KCNQ5: variants seen among roughly 807,000 people sequenced by gnomAD.
KCNQ5 encodes the protein potassium voltage-gated channel subfamily KQT member 5.
Under a neutral mutation model 98.2 loss-of-function variants are expected in KCNQ5, and 30 were observed. The observed-to-expected ratio is 0.31, with a 90% CI of 0.23 to 0.41. The LOEUF (loss-of-function observed/expected upper bound fraction) is 0.41. Ranked by LOEUF, KCNQ5 falls within the 10% of genes least tolerant of loss-of-function variation. The pLI is 1.00. For synonymous variants in KCNQ5, 458 were observed against 449.4 expected, an observed-to-expected ratio of 1.02 and a Z score of -0.24; for missense variants, 835 against 1,182.5, an observed-to-expected ratio of 0.71 and a Z score of 4.31.
intron 1 of KCNQ5, among the ~76,000 whole-genome samples, chr6:72,850,167 A>T (rs190397467): frequency 1.3e-5 from 2 of 152,164 alleles, no homozygotes; most frequent in African/African-American, 4.8e-5. Flanking sequence ...AGGAAGGCAC[A>T]TTGTCAGGTA....
chr6:72,727,534 T>TC (rs1200744042), intron 1 of KCNQ5, among the ~76,000 whole-genome samples: 1 of 152,166 alleles, frequency 6.6e-6, no homozygotes, highest in Non-Finnish European at 1.5e-5. Flanking sequence ...ATTTTTTTTT[T>TC]CACTTTTGTA....
At position 73,095,936 on chromosome 6, in the gene KCNQ5, A is replaced by G. The variant is rs146080733; in HGVS notation, c.919-9321A>G. On this transcript the variant is annotated intron_variant, in intron 5 of 13. Coordinates refer to ENST00000370398, the MANE Select transcript of KCNQ5 (RefSeq NM_019842.4). ...ACACTAGTGGGCAATTTATAGTTGT[A>G]TACTCATAAGCAAACTGTTTAAATT... 6.8e-3 allele frequency among the ~76,000 whole-genome samples: 1,035 copies of G among 152,290 alleles called. 8 individuals are homozygous for G. Among genetic ancestry groups the G allele is most frequent in the Middle Eastern group, 0.017 (5 of 294 alleles).
At chr6:72,933,948 A>G (rs974786536) in intron 1 of KCNQ5, among the ~76,000 whole-genome samples, 1 of 152,194 alleles carries the variant, frequency 6.6e-6, no homozygotes, top group East Asian at 1.9e-4. Context: ...ATGTAATTAA[A>G]CAAGTAAACA....
chr6:73,139,955 GA>G (rs1776637210), intron 10 of KCNQ5, among the ~76,000 whole-genome samples: 1 of 151,032 alleles, frequency 6.6e-6, no homozygotes, highest in African/African-American at 2.5e-5. Flanking sequence ...TGGGGTGCCA[GA>G]ACCCTCAAGT....
chr6:72,810,127 G>T (rs575922988), intron 1 of KCNQ5, among the ~76,000 whole-genome samples: 1 of 152,132 alleles, frequency 6.6e-6, no homozygotes, highest in Non-Finnish European at 1.5e-5. Context: ...TTACATCAGC[G>T]CCCAGAGAAT....
At chr6:73,100,562 G>A (rs188319352) in intron 5 of KCNQ5, among the ~76,000 whole-genome samples, 1,646 of 151,848 alleles carry the variant, frequency 0.011, 21 homozygotes, top group African/African-American at 0.037. Context: ...CCAGCTACTC[G>A]GGAAGCTGAG....
intron 7 of KCNQ5, among the ~76,000 whole-genome samples, chr6:73,120,002 C>T (rs917856956): frequency 7.3e-5 from 11 of 151,690 alleles, no homozygotes; most frequent in Non-Finnish European, 1.6e-4. Context: ...CTTTGGGAGG[C>T]CAAGGCAGGC....
chr6:73,173,979 C>A (rs1778112776), intron 11 of KCNQ5, among the ~76,000 whole-genome samples: 1 of 152,068 alleles, frequency 6.6e-6, no homozygotes, highest in South Asian at 2.1e-4. Flanking sequence ...AAAGGATTCA[C>A]CATTTGGGGA....
chr6:73,148,083 G>A (rs930133207), intron 10 of KCNQ5, among the ~76,000 whole-genome samples: 1 of 151,880 alleles, frequency 6.6e-6, no homozygotes, highest in African/African-American at 2.4e-5. Context: ...TCACCTTATG[G>A]GCAGTTACTA....
At chr6:72,894,841 T>C (rs1410113621) in intron 1 of KCNQ5, among the ~76,000 whole-genome samples, 1 of 152,122 alleles carries the variant, frequency 6.6e-6, no homozygotes, top group Non-Finnish European at 1.5e-5. Context: ...AACTCCCATA[T>C]TTTAGAGTAG....
At chr6:72,815,792 C>G (rs952886025) in intron 1 of KCNQ5, among the ~76,000 whole-genome samples, 1 of 152,120 alleles carries the variant, frequency 6.6e-6, no homozygotes, top group Admixed American at 6.5e-5. Flanking sequence ...CATTTTGCAC[C>G]TCTAAGTGAC....
At chr6:72,696,519 C>A (rs1768511680) in intron 1 of KCNQ5, among the ~76,000 whole-genome samples, 1 of 152,122 alleles carries the variant, frequency 6.6e-6, no homozygotes. Flanking sequence ...AAAAAAGATG[C>A]AGGTTAATAA....
At chr6:73,193,398 C>G (rs191316034) in intron 13 of KCNQ5, among the ~76,000 whole-genome samples, 1 of 147,838 alleles carries the variant, frequency 6.8e-6, no homozygotes, top group Non-Finnish European at 1.5e-5. Flanking sequence ...GAGGCCGAGG[C>G]GGGCAGATCA....
intron 3 of KCNQ5, among the ~76,000 whole-genome samples, chr6:73,046,601 T>G (rs368522889): frequency 8.8e-6 from 1 of 113,728 alleles, no homozygotes; most frequent in Admixed American, 9.0e-5. Context: ...TTACTTTACT[T>G]TATTTTATTC....
intron 1 of KCNQ5, among the ~76,000 whole-genome samples, chr6:72,695,663 T>C (rs1768454202): frequency 6.6e-6 from 1 of 152,122 alleles, no homozygotes; most frequent in Admixed American, 6.5e-5. Flanking sequence ...ATAAATATTA[T>C]GTATGATTTT....
intron 1 of KCNQ5, among the ~76,000 whole-genome samples, chr6:72,850,582 A>T (rs1487519396): frequency 6.6e-6 from 1 of 152,166 alleles, no homozygotes; most frequent in African/African-American, 2.4e-5. Flanking sequence ...GTTCCTGGAG[A>T]TGCTGTGATA....
chr6:73,191,850 G>A (rs1236754791), intron 12 of KCNQ5, among the ~76,000 whole-genome samples: 1 of 152,124 alleles, frequency 6.6e-6, no homozygotes, highest in Non-Finnish European at 1.5e-5. Flanking sequence ...CTGGAAAGTT[G>A]TCTATACTCT....
At chr6:73,126,721 C>T (rs1045165327) in intron 9 of KCNQ5, among the ~76,000 whole-genome samples, 2 of 152,040 alleles carry the variant, frequency 1.3e-5, no homozygotes, top group African/African-American at 4.8e-5. Context: ...CAAAAACCAC[C>T]TTGAAATAAG....
At chr6:73,041,393 G>C (rs916225959) in intron 2 of KCNQ5, among the ~76,000 whole-genome samples, 2 of 152,212 alleles carry the variant, frequency 1.3e-5, no homozygotes, top group Non-Finnish European at 1.5e-5. Flanking sequence ...ACACTGTAAT[G>C]CTTTTGAAAC....
Sources: allele counts gnomAD v4.1 joint callset (sites outside exome capture counted in the v4.1 genomes callset), GRCh38; gene constraint gnomAD v4.1.1; transcripts MANE v1.5; gene names NCBI Gene and HGNC (gene_info 2026-07-23, HGNC 2026-07-21).